Variants in FAM193A observed in about 807,000 individuals in gnomAD.
FAM193A encodes protein FAM193A.
In FAM193A, 22 loss-of-function variants were observed where a neutral mutation model predicts 126.5. The ratio of observed to expected loss-of-function variants is 0.17; its 90% CI spans 0.12 to 0.25. The LOEUF (loss-of-function observed/expected upper bound fraction) is 0.25, where lower values mean the gene tolerates loss of function less well. FAM193A is among the 10% of genes least tolerant of loss of function. The pLI, the probability that FAM193A is intolerant of heterozygous loss-of-function variation, is 1.00. For synonymous variants in FAM193A, 761 were observed against 646.8 expected (o/e 1.18, Z -2.68); for missense variants, 1,675 against 1,672.8 (o/e 1.00, Z -0.02).
chr4:2,658,865 C>T (rs1442681175), intron 8 of FAM193A, among the ~76,000 whole-genome samples: 1 of 152,176 alleles, frequency 6.6e-6, no homozygotes, highest in Non-Finnish European at 1.5e-5. Context: ...GTACTCGTGT[C>T]TCAGCCTCCT....
At chr4:2,612,809 T>A (rs996145696) in intron 2 of FAM193A, among the ~76,000 whole-genome samples, 3 of 152,250 alleles carry the variant, frequency 2.0e-5, no homozygotes, top group Admixed American at 2.0e-4. Context: ...TACCATACTA[T>A]CCTGATTCTT....
chr4:2,654,391 T>TTC (rs1463483071), intron 7 of FAM193A: 1 of 150,300 alleles, frequency 6.7e-6, no homozygotes, highest in African/African-American at 2.4e-5. Context: ...TTTTTTTTTT[T>TTC]TTTTTTTTTT....
At position 2,549,395 on chromosome 4, in the gene FAM193A, CTTTTTTT is replaced by C. The variant is rs869161808; in HGVS notation, c.255+12238_255+12244del. On this transcript the variant is annotated intron_variant, in intron 1 of 20. Coordinates refer to ENST00000637812, the MANE Select transcript of FAM193A (RefSeq NM_001366318.2). ...TTTTCCCTCTATGTTTTCTTTTTTT[CTTTTTTT>C]TTTTTTTTTTTTGAGACGGAGTCTC... 6.5e-3 allele frequency among the ~76,000 whole-genome samples: 802 copies of C among 122,636 alleles called. 7 individuals are homozygous for C. Among genetic ancestry groups the C allele is most frequent in the Non-Finnish European group, 0.011 (648 of 59,014 alleles). 80.5% of individuals were successfully genotyped at this position (122,636 alleles called of 152,430 possible).
At chr4:2,631,717 T>C (rs1743607142) in intron 5 of FAM193A, among the ~76,000 whole-genome samples, 2 of 152,122 alleles carry the variant, frequency 1.3e-5, no homozygotes. Context: ...TCCTTGCCAA[T>C]GGGGATCTGA....
At chr4:2,651,359 A>G (rs904122171) in intron 7 of FAM193A, among the ~76,000 whole-genome samples, 1 of 151,966 alleles carries the variant, frequency 6.6e-6, no homozygotes, top group Non-Finnish European at 1.5e-5. Flanking sequence ...CAAAAAACCT[A>G]CCTGATTCTG....
Position 2,659,965 on chromosome 4 carries a change from T to G in FAM193A, c.1656T>G (p.Ser552=). The G allele has an allele frequency of 6.2e-7, 1 of 1,614,218 alleles. No individual in the cohort carries two copies. The highest frequency in any genetic ancestry group is 1.3e-5 in the African/African-American group (1 of 75,058). ...AGAGGAGCCCGCCCAGTGTGTCATCTGCAAGCTCGGGGTCCGGCTCCAGCT... is the reference window on the plus strand; with the variant it reads ...AGAGGAGCCCGCCCAGTGTGTCATCGGCAAGCTCGGGGTCCGGCTCCAGCT... ...LAERSPPSVS[S]ASSGSGSSSP... Residue 552 remains serine, a synonymous_variant, in exon 10 of 21, where the codon TCT becomes TCG. Transcript: ENST00000637812.
At chr4:2,671,924 C>T (rs1236344143) in intron 12 of FAM193A, among the ~76,000 whole-genome samples, 197 bp from the exon 13 acceptor site, 1 of 152,232 alleles carries the variant, frequency 6.6e-6, no homozygotes, top group African/African-American at 2.4e-5. Context: ...CCTTTCTTCT[C>T]TGTGCGTCTT....
At chr4:2,624,560 C>G (rs1396522890) in intron 2 of FAM193A, among the ~76,000 whole-genome samples, 1 of 152,224 alleles carries the variant, frequency 6.6e-6, no homozygotes, top group Non-Finnish European at 1.5e-5. Flanking sequence ...AGAGAGGCCA[C>G]TAGGTTTCTA....
intron 1 of FAM193A, among the ~76,000 whole-genome samples, chr4:2,566,071 G>A (rs1344313885): frequency 3.5e-5 from 5 of 142,412 alleles, no homozygotes; most frequent in African/African-American, 1.2e-4. Flanking sequence ...TTTTTGAGAC[G>A]GAGTCTCGCT....
chr4:2,718,848 A>G (rs1216759604), intron 20 of FAM193A, among the ~76,000 whole-genome samples: 2 of 152,228 alleles, frequency 1.3e-5, no homozygotes, highest in East Asian at 1.9e-4. Context: ...CTTTAAAACT[A>G]TGAAATGCAA....
chr4:2,722,319 G>C (rs1225841336), intron 20 of FAM193A, among the ~76,000 whole-genome samples: 1 of 152,178 alleles, frequency 6.6e-6, no homozygotes, highest in Non-Finnish European at 1.5e-5. Context: ...GACAAAGCCA[G>C]GTCACACTGG....
chr4:2,556,206 T>C (rs1207247616), intron 1 of FAM193A, among the ~76,000 whole-genome samples: 1 of 147,954 alleles, frequency 6.8e-6, no homozygotes, highest in Non-Finnish European at 1.5e-5. Flanking sequence ...AGTGAGATAC[T>C]GTCCTTTTTT....
intron 7 of FAM193A, among the ~76,000 whole-genome samples, chr4:2,655,781 AT>A (rs1711603848): frequency 6.6e-6 from 1 of 152,006 alleles, no homozygotes; most frequent in Non-Finnish European, 1.5e-5. Context: ...GGAAAAAAAA[AT>A]TAGCCAGGTG....
chr4:2,546,683 G>A (rs1038900697), intron 1 of FAM193A, among the ~76,000 whole-genome samples: 7 of 152,138 alleles, frequency 4.6e-5, no homozygotes. Flanking sequence ...GGTGGACATT[G>A]GGGTTGTTTT....
At chr4:2,547,381 G>A (rs143442133) in intron 1 of FAM193A, among the ~76,000 whole-genome samples, 2 of 152,082 alleles carry the variant, frequency 1.3e-5, no homozygotes, top group East Asian at 1.9e-4. Context: ...CAACAAGAGC[G>A]AGATTCTTGT....
intron 2 of FAM193A, among the ~76,000 whole-genome samples, chr4:2,609,339 A>G (rs543167820): frequency 6.6e-6 from 1 of 152,236 alleles, no homozygotes. Flanking sequence ...CGGTGAGGGG[A>G]TGGCACTTTG....
chr4:2,640,108 A>G (rs1482403629), intron 6 of FAM193A, among the ~76,000 whole-genome samples: 2 of 152,216 alleles, frequency 1.3e-5, no homozygotes, highest in Non-Finnish European at 2.9e-5. Flanking sequence ...CAGAAAAGCT[A>G]CAGTAAATAT....
At chr4:2,668,094 A>G (rs1479646827) in intron 12 of FAM193A, among the ~76,000 whole-genome samples, 1 of 152,024 alleles carries the variant, frequency 6.6e-6, no homozygotes, top group African/African-American at 2.4e-5. Context: ...TAGTAGAGAC[A>G]AGGTCTCCCT....
At position 2,706,486 on chromosome 4, in the gene FAM193A, G is replaced by A. The variant is rs1333348907; in HGVS notation, c.4372+5942G>A. Among the ~76,000 whole-genome samples, 3 of 151,702 alleles carry A rather than the reference G, an allele frequency of 2.0e-5. No homozygotes were observed. In the East Asian group the frequency reaches 5.8e-4, roughly 30 times the overall value. ...TAATTTTATATTTTTAGTAGAGACA[G>A]GGTTTCTCCTTGTTGGTCAGGCTGG... On this transcript the variant is annotated intron_variant, in intron 19 of 20. Transcript: ENST00000637812.
Sources: allele counts gnomAD v4.1 joint callset (sites outside exome capture counted in the v4.1 genomes callset), GRCh38; gene constraint gnomAD v4.1.1; transcripts MANE v1.5; gene names NCBI Gene and HGNC (gene_info 2026-07-23, HGNC 2026-07-21).